The following ZNF407 variants were observed in gnomAD, a reference collection of about 807,000 sequenced individuals.
ZNF407 encodes zinc finger protein 407.
A neutral mutation model predicts 131.2 loss-of-function variants in ZNF407; 17 were observed. The observed-to-expected ratio is 0.13, with a 90% CI of 0.09 to 0.19. The LOEUF (loss-of-function observed/expected upper bound fraction) is 0.19, where lower values mean the gene tolerates loss of function less well. Ranked by LOEUF, ZNF407 falls within the 10% of genes least tolerant of loss-of-function variation. The pLI is 1.00. For missense variants in ZNF407, 2,681 were observed against 2,830.6 expected (o/e 0.95, Z 1.20); for synonymous variants, 1,156 against 1,062.0 (o/e 1.09, Z -1.72).
At chr18:74,803,970 G>C (rs916492075) in intron 4 of ZNF407, 21 of 1,551,604 alleles carry the variant, frequency 1.4e-5, no homozygotes, top group Non-Finnish European at 1.7e-5. Flanking sequence ...TCAGAGTAAA[G>C]GTTGCATATC....
At chr18:74,863,078 G>A (rs746867355) in intron 4 of ZNF407, among the ~76,000 whole-genome samples, 7 of 151,646 alleles carry the variant, frequency 4.6e-5, no homozygotes, top group African/African-American at 1.7e-4. Flanking sequence ...ACACCACTAC[G>A]CCCGGCTATT....
chr18:74,733,032 T>C (rs889012875), intron 3 of ZNF407, among the ~76,000 whole-genome samples: 2 of 152,154 alleles, frequency 1.3e-5, no homozygotes, highest in South Asian at 4.1e-4. Flanking sequence ...CACATAGACA[T>C]GGTTTTATTC....
At chr18:74,915,623 AGT>A (rs779606527) in intron 7 of ZNF407, among the ~76,000 whole-genome samples, 3 of 63,454 alleles carry the variant, frequency 4.7e-5, no homozygotes, top group African/African-American at 1.5e-4. Context: ...TCGAATCGGG[AGT>A]GTGTGTGTGT....
At position 75,042,001 on chromosome 18, in the gene ZNF407, A is replaced by T. The variant is rs1012001932; in HGVS notation, c.5429-21149A>T. On this transcript the variant is annotated intron_variant, in intron 8 of 8. Transcript: ENST00000299687. The stretch of plus-strand genomic sequence containing the variant: ...TTCTTTTTAGGTATCTGATTGATAC[A>T]TATTTGGCCTTTCTGAATATCCCTT... 6.0e-5 allele frequency among the ~76,000 whole-genome samples: 9 copies of T among 151,226 alleles called. No individual in the cohort carries two copies. The South Asian group carries it at 1.9e-3, about 32-fold the overall frequency.
At chr18:74,777,398 A>G (rs1969495199) in intron 3 of ZNF407, among the ~76,000 whole-genome samples, 1 of 151,930 alleles carries the variant, frequency 6.6e-6, no homozygotes, top group Admixed American at 6.6e-5. Context: ...ATGCTTGCAA[A>G]TGGATGACTT....
chr18:74,934,401 C>T (rs1279760902), intron 8 of ZNF407, among the ~76,000 whole-genome samples: 3 of 152,112 alleles, frequency 2.0e-5, no homozygotes, highest in Admixed American at 6.5e-5. Context: ...AATTATAATA[C>T]CAGTTTCCTT....
chr18:74,745,656 A>G (rs1968652344), intron 3 of ZNF407, among the ~76,000 whole-genome samples: 1 of 152,192 alleles, frequency 6.6e-6, no homozygotes. Flanking sequence ...TTTCTCCATC[A>G]ATTTTGGGAA....
In ZNF407 at chr18:74,789,979, T is replaced by G. The variant is rs531024966; in HGVS notation, c.4877+8477T>G. 2.6e-5 allele frequency among the ~76,000 whole-genome samples: 4 copies of G among 152,166 alleles called. No individual in the cohort carries two copies. The South Asian group carries it at 6.2e-4, about 24-fold the overall frequency. On this transcript the variant is annotated intron_variant, in intron 4 of 8. Transcript: ENST00000299687. ...TATTTCAAGTCCCAGTCTGATGCCC[T>G]GGCCACTGTCTTCTGTGAGTCCTTT...
chr18:74,793,671 A>T (rs1416648498), intron 4 of ZNF407, among the ~76,000 whole-genome samples: 1 of 152,226 alleles, frequency 6.6e-6, no homozygotes, highest in African/African-American at 2.4e-5. Flanking sequence ...AAATAACTTG[A>T]GCAGCTATTC....
In ZNF407 at chr18:74,950,337, T is replaced by C. The variant is rs528878790; in HGVS notation, c.5428+29645T>C. Reference sequence around the variant, plus strand: ...TATTTTAAAATAGTAAGCAATTAGGTAATTCACAAGATGGAAAAATCAATG... The same window carrying C: ...TATTTTAAAATAGTAAGCAATTAGGCAATTCACAAGATGGAAAAATCAATG... On this transcript the variant is annotated intron_variant, in intron 8 of 8. Transcript: ENST00000299687. Among the ~76,000 whole-genome samples, 5 of 152,364 alleles carry C rather than the reference T, an allele frequency of 3.3e-5. No homozygotes were observed. In the East Asian group the frequency reaches 9.6e-4, roughly 29 times the overall value.
intron 1 of ZNF407, among the ~76,000 whole-genome samples, chr18:74,628,110 AT>A (rs1393622349): frequency 1.3e-5 from 2 of 152,088 alleles, no homozygotes; most frequent in African/African-American, 4.8e-5. Context: ...CTCTTATATA[AT>A]TTATATTTTC....
intron 1 of ZNF407, among the ~76,000 whole-genome samples, chr18:74,627,770 TTCTCTC>T (rs1326230778): frequency 7.6e-5 from 10 of 130,908 alleles, no homozygotes; most frequent in African/African-American, 3.3e-4. Flanking sequence ...TTGTTCAGTT[TTCTCTC>T]TTTCTCTCTC....
At chr18:74,990,100 C>T (rs1424802178) in intron 8 of ZNF407, among the ~76,000 whole-genome samples, 4 of 152,096 alleles carry the variant, frequency 2.6e-5, no homozygotes, top group East Asian at 1.9e-4. Flanking sequence ...ATTTCTATGA[C>T]ACATTATTGA....
At chr18:74,967,792 C>T (rs564740402) in intron 8 of ZNF407, among the ~76,000 whole-genome samples, 3 of 152,254 alleles carry the variant, frequency 2.0e-5, no homozygotes, top group African/African-American at 4.8e-5. Flanking sequence ...AAGTGATTTG[C>T]GTGCTGTTTC....
At chr18:74,897,189 AAAC>A (rs1335961246) in intron 7 of ZNF407, among the ~76,000 whole-genome samples, 2 of 152,250 alleles carry the variant, frequency 1.3e-5, no homozygotes, top group African/African-American at 4.8e-5. Context: ...TTAAAAAACA[AAAC>A]AACCTTGTTT....
rs1426539267 is a variant in ZNF407 at position 74,668,574 on chromosome 18, G to A, written c.4802+27452G>A. ...ATGGCTTTTCTGCTTTGTCGAGACC[G>A]TTTTTCTTACTGCTCCCAAATGTAA... On this transcript the variant is annotated intron_variant, in intron 3 of 8. Transcript: ENST00000299687. Among the ~76,000 whole-genome samples the A allele has an allele frequency of 6.6e-5, 10 of 152,070 alleles. No homozygotes were observed. In the East Asian group the frequency reaches 7.7e-4, roughly 12 times the overall value.
At chr18:74,802,998 A>T (rs537508287) in intron 4 of ZNF407, among the ~76,000 whole-genome samples, 52 of 152,154 alleles carry the variant, frequency 3.4e-4, no homozygotes, top group Non-Finnish European at 6.5e-4. Flanking sequence ...AGAATTCAAA[A>T]GTTATAAATT....
At chr18:74,934,644 A>G (rs897538650) in intron 8 of ZNF407, among the ~76,000 whole-genome samples, 1 of 152,184 alleles carries the variant, frequency 6.6e-6, no homozygotes, top group Admixed American at 6.5e-5. Flanking sequence ...CGTCTCTACT[A>G]AAAATACAAA....
intron 5 of ZNF407, among the ~76,000 whole-genome samples, chr18:74,879,436 A>T (rs1251166265): frequency 6.6e-6 from 1 of 152,160 alleles, no homozygotes; most frequent in Admixed American, 6.5e-5. Flanking sequence ...GATTGGAGGG[A>T]ACGATTTTGC....
Sources: allele counts gnomAD v4.1 joint callset (sites outside exome capture counted in the v4.1 genomes callset), GRCh38; gene constraint gnomAD v4.1.1; transcripts MANE v1.5; gene names NCBI Gene and HGNC (gene_info 2026-07-23, HGNC 2026-07-21).